TRPV6: variants seen among roughly 807,000 people sequenced by gnomAD.
TRPV6 encodes the protein transient receptor potential cation channel subfamily V member 6, also known as Alu-binding protein with zinc finger domain.
In TRPV6, 39 loss-of-function variants were observed where a neutral mutation model predicts 79.0. The ratio of observed to expected loss-of-function variants is 0.49; its 90% CI spans 0.38 to 0.64. The LOEUF (loss-of-function observed/expected upper bound fraction) is 0.64. Among genes scored for constraint, TRPV6 ranks in the 30% least tolerant of loss-of-function variants. The pLI is 0.00. For missense variants in TRPV6, 813 were observed against 1,011.1 expected, an observed-to-expected ratio of 0.80 and a Z score of 2.66; for synonymous variants, 373 against 391.9, an observed-to-expected ratio of 0.95 and a Z score of 0.57.
rs1295999952 is a variant in TRPV6, at chr7:142,877,070, C to G, written c.607+72G>C. ...CAGATACGGCTGAAGACAGGATCCT[C>G]CTCTGCCTGGCCCTGCCCTGCCTTG... On this transcript the variant is annotated intron_variant, in intron 4 of 14. Coordinates refer to ENST00000359396, the MANE Select transcript of TRPV6 (RefSeq NM_018646.6). 9.8e-6 allele frequency: 15 copies of G among 1,532,238 alleles called. No homozygotes were observed. In the Admixed American group the frequency reaches 2.6e-4, roughly 26 times the overall value. 94.9% of individuals were successfully genotyped at this position (1,532,238 alleles called of 1,614,324 possible).
At position 142,873,370 on chromosome 7, in the gene TRPV6, C is replaced by A. The variant is rs772954688; in HGVS notation, c.1908+78G>T. On this transcript the variant is annotated intron_variant, in intron 13 of 14. Transcript: ENST00000359396. This position sits in a 1 kb window ranked among gnomAD's most constrained non-coding sequence, Gnocchi z 4.8. ...CCAAACATAAGTGGGGTGGAGATAT[C>A]CTGTCTCTCAGCTTGGCAGGTTCCT... is the stretch of plus-strand genomic sequence containing the variant. 1.3e-6 allele frequency: 2 copies of A among 1,570,756 alleles called. No homozygotes were observed. The highest frequency in any genetic ancestry group is 1.7e-6 in the Non-Finnish European group (2 of 1,154,754).
chr7:142,871,632 T>G lies in TRPV6; in HGVS notation c.*75A>C. ...GGGCCTGGGAGATGAGACCTCTGGG[T>G]GTTTGGTTTTTGTTTTGTTTGATGC... On this transcript the variant is annotated 3_prime_UTR_variant, in exon 15 of 15. Coordinates refer to ENST00000359396, the MANE Select transcript of TRPV6 (RefSeq NM_018646.6). 6.0e-6 allele frequency: 9 copies of G among 1,498,304 alleles called. No individual in the cohort carries two copies. Among genetic ancestry groups the G allele is most frequent in the Non-Finnish European group, 7.2e-6 (8 of 1,111,486 alleles). The allele number at this position is 1,498,304 out of a possible 1,614,324, so 92.8% of individuals were successfully genotyped here.
At chr7:142,878,932 G>A (rs1028849489) in intron 1 of TRPV6, 2 of 152,228 alleles carry the variant, frequency 1.3e-5, no homozygotes, top group African/African-American at 4.8e-5. Context: ...CATTGCTTAA[G>A]TGGTCCTTGC....
At position 142,876,831 on chromosome 7, in the gene TRPV6, T is replaced by C. The variant is rs200186434; in HGVS notation, c.614A>G (p.His205Arg). 8.7e-5 allele frequency: 141 copies of C among 1,613,934 alleles called. No homozygotes were observed. The highest frequency in any genetic ancestry group is 6.6e-4 in the Middle Eastern group (4 of 6,062). The stretch of plus-strand genomic sequence containing the variant: ...CACACAGGCAGCAAAGGACAAAGGG[T>C]GCTCCCCTGTGGACACAGAGAGATC... The change falls in exon 5 of 15, where the codon CAC (histidine) becomes CGC (arginine). Residue 205 changes from histidine to arginine, a missense_variant. Physicochemically the swap from His to Arg is conservative, Grantham distance 29. Coordinates refer to ENST00000359396, the MANE Select transcript of TRPV6 (RefSeq NM_018646.6).
chr7:142,876,010 G>T (rs1586188937), intron 6 of TRPV6, 106 bp from the exon 7 acceptor site: 1 of 1,319,658 alleles, frequency 7.6e-7, no homozygotes, highest in Non-Finnish European at 1.0e-6. Context: ...GAAGGTGGCT[G>T]CCCTTTCATT....
At chr7:142,877,418 A>T in intron 3 of TRPV6, 139 bp from the exon 4 acceptor site, 1 of 1,483,810 alleles carries the variant, frequency 6.7e-7, no homozygotes, top group Non-Finnish European at 9.0e-7. Flanking sequence ...CAGGATTCCC[A>T]GGGGATCCAG....
In TRPV6 at chr7:142,873,750, C is replaced by A. The variant is rs368581273; in HGVS notation, c.1640-34G>T. On this transcript the variant is annotated intron_variant, in intron 12 of 14. Transcript: ENST00000359396. The surrounding 1 kb of genome is among the most constrained non-coding windows in gnomAD (Gnocchi z 4.8). ...CCCAAGGGGGTGAGGGTTACCATGG[C>A]AACCATGCAGACGACCAGCCCACCC... The A allele has an allele frequency of 3.7e-6, 6 of 1,608,752 alleles. No homozygotes were observed. The African/African-American group carries it at 8.0e-5, about 22-fold the overall frequency.
In TRPV6 at chr7:142,871,524, G is replaced by C; in HGVS notation, c.*183C>G. 1 of 754,728 alleles carries C rather than the reference G, an allele frequency of 1.3e-6. No individual in the cohort carries two copies. Among genetic ancestry groups the C allele is most frequent in the South Asian group, 2.0e-5 (1 of 49,616 alleles). The allele number at this position is 754,728 out of a possible 1,614,324, so 46.8% of individuals were successfully genotyped here. A position where few individuals can be genotyped will look rare whatever the true frequency, so the allele number is the denominator to read the frequency against. Reference sequence around the variant, plus strand: ...CTTGGGCTGGGCTTCCTCTGCCCCAGAGCTGAAGGAGTAATGCAGGCCTGG... The same window carrying C: ...CTTGGGCTGGGCTTCCTCTGCCCCACAGCTGAAGGAGTAATGCAGGCCTGG... On this transcript the variant is annotated 3_prime_UTR_variant, in exon 15 of 15. Transcript: ENST00000359396.
rs1178476099 is a variant in TRPV6, at chr7:142,877,808, T to C, written c.347-35A>G. The C allele has an allele frequency of 1.9e-6, 3 of 1,613,844 alleles. No homozygotes were observed. The South Asian group carries it at 3.3e-5, about 18-fold the overall frequency. Reference sequence around the variant, plus strand: ...ACAGAGAGGTGGGTTATATGGCTTCTGTGGGACAGCGGATTGGAGACGATA... The same window carrying C: ...ACAGAGAGGTGGGTTATATGGCTTCCGTGGGACAGCGGATTGGAGACGATA... On this transcript the variant is annotated intron_variant, in intron 2 of 14. Coordinates refer to ENST00000359396, the MANE Select transcript of TRPV6 (RefSeq NM_018646.6).
Position 142,877,974 on chromosome 7 carries a change from G to C in TRPV6, c.301C>G (p.Leu101Val). 6.2e-7 allele frequency: 1 copy of C among 1,614,188 alleles called. No homozygotes were observed. Among genetic ancestry groups the C allele is most frequent in the South Asian group, 1.1e-5 (1 of 91,084 alleles). The change falls in exon 2 of 15, where the codon CTG becomes GTG. Residue 101 changes from leucine to valine, a missense_variant. Physicochemically the swap from Leu to Val is conservative, Grantham distance 32. Around this residue, in one of 3 missense-constraint regions of TRPV6, gnomAD observed 555 missense variants for 631.0 expected, o/e 0.88. Transcript: ENST00000359396. ...TCCTCATACTTGAGCAACTTGTTCA[G>C]GGCCTGGACATCATTATCTTTGGCA... is the stretch of plus-strand genomic sequence containing the variant.
chr7:142,873,721 T>C lies in TRPV6; in HGVS notation c.1640-5A>G, dbSNP rs1205527812. The stretch of plus-strand genomic sequence containing the variant: ...TCTGGAAGATGATATAGAAGGCTGC[T>C]CCACCCAAGGGGGTGAGGGTTACCA... On this transcript the variant is annotated splice_region_variant and splice_polypyrimidine_tract_variant and intron_variant, in intron 12 of 14. Transcript: ENST00000359396. This position sits in a 1 kb window ranked among gnomAD's most constrained non-coding sequence, Gnocchi z 4.8. 1 of 1,613,488 alleles carries C rather than the reference T, an allele frequency of 6.2e-7. No homozygotes were observed. The highest frequency in any genetic ancestry group is 1.3e-5 in the African/African-American group (1 of 74,844).
At position 142,873,699 on chromosome 7, in the gene TRPV6, G is replaced by A. The variant is rs757538867; in HGVS notation, c.1657C>T (p.Gln553Ter). The A allele has an allele frequency of 1.9e-6, 3 of 1,614,124 alleles. No individual in the cohort carries two copies. The highest frequency in any genetic ancestry group is 3.3e-5 in the Admixed American group (2 of 60,028). The change falls in exon 13 of 15, where the codon CAG becomes TAG. Residue 553 changes from glutamine to a stop codon, truncating the protein, a stop_gained. Transcript: ENST00000359396. LOFTEE classifies it high-confidence loss of function. This position sits in a 1 kb window ranked among gnomAD's most constrained non-coding sequence, Gnocchi z 4.8. Reference sequence around the variant, plus strand: ...CCTAGCTCCTCGGGGTCCTCTGTCTGGAAGATGATATAGAAGGCTGCTCCA... The same window carrying A: ...CCTAGCTCCTCGGGGTCCTCTGTCTAGAAGATGATATAGAAGGCTGCTCCA...
At position 142,877,951 on chromosome 7, in the gene TRPV6, C is replaced by A. The variant is rs199805481; in HGVS notation, c.324G>T (p.Glu108Asp). ...TACCTCTCTGGTGCACCTTGCAATCCTCATACTTGAGCAACTTGTTCAGGG... is the reference window on the plus strand; with the variant it reads ...TACCTCTCTGGTGCACCTTGCAATCATCATACTTGAGCAACTTGTTCAGGG... Residue 108 changes from glutamate (E) to aspartate (D), a missense_variant, in exon 2 of 15, where the codon GAG (glutamate) becomes GAT (aspartate). Around this residue, in one of 3 missense-constraint regions of TRPV6, gnomAD observed 555 missense variants for 631.0 expected, o/e 0.88. Coordinates refer to ENST00000359396, the MANE Select transcript of TRPV6 (RefSeq NM_018646.6). The A allele has an allele frequency of 2.1e-5, 34 of 1,614,194 alleles. No homozygotes were observed. The East Asian group carries it at 6.2e-4, about 30-fold the overall frequency.
At position 142,875,921 on chromosome 7, in the gene TRPV6, A is replaced by G; in HGVS notation, c.883-17T>C. Reference sequence around the variant, plus strand: ...CTGAAACATCTAAGGGAAAGTGAAGATGACTCAGGAGCAGTAAGCAAAGGG... The same window carrying G: ...CTGAAACATCTAAGGGAAAGTGAAGGTGACTCAGGAGCAGTAAGCAAAGGG... On this transcript the variant is annotated splice_polypyrimidine_tract_variant and intron_variant, in intron 6 of 14. Transcript: ENST00000359396. 6.4e-7 allele frequency: 1 copy of G among 1,560,338 alleles called. No homozygotes were observed. Among genetic ancestry groups the G allele is most frequent in the Non-Finnish European group, 8.7e-7 (1 of 1,153,016 alleles).
chr7:142,874,692 C>T (rs1314297488), intron 10 of TRPV6, 36 bp from the exon 11 acceptor site: 4 of 1,600,246 alleles, frequency 2.5e-6, no homozygotes, highest in Non-Finnish European at 3.4e-6. Context: ...GAGGGGAGGG[C>T]TGGGATGATC....
Position 142,877,694 on chromosome 7 carries a change from G to C in TRPV6, c.426C>G (p.Ala142=). Residue 142 remains alanine, a synonymous_variant, in exon 3 of 15, where the codon GCC becomes GCG. Transcript: ENST00000359396. Reference sequence around the variant, plus strand: ...TCATGGGCTCAAAGACCAGCTCCGGGGCAGCCTCCATCAGCACCATGGCGG... The same window carrying C: ...TCATGGGCTCAAAGACCAGCTCCGGCGCAGCCTCCATCAGCACCATGGCGG... 1 of 1,614,178 alleles carries C rather than the reference G, an allele frequency of 6.2e-7. No individual in the cohort carries two copies. Among genetic ancestry groups the C allele is most frequent in the East Asian group, 2.2e-5 (1 of 44,886 alleles).
Position 142,873,609 on chromosome 7 carries a change from C to T in TRPV6, c.1747G>A (p.Gly583Ser), listed in dbSNP as rs781354765. 1.9e-6 allele frequency: 3 copies of T among 1,614,084 alleles called. No homozygotes were observed. In the South Asian group the frequency reaches 3.3e-5, roughly 18 times the overall value. The change falls in exon 13 of 15, where the codon GGC becomes AGC. Residue 583 changes from glycine to serine, a missense_variant. Gly to Ser is a moderately conservative substitution (Grantham distance 56, BLOSUM62 0). Transcript: ENST00000359396. This position sits in a 1 kb window ranked among gnomAD's most constrained non-coding sequence, Gnocchi z 4.8. ...AGGTCCACGTTGTAGTTGGCTGGGC[C>T]ATCGATGATGGTAAGGAACAGCTCG...
intron 1 of TRPV6, chr7:142,879,692 C>T (rs976020239): frequency 6.6e-6 from 1 of 152,330 alleles, no homozygotes; most frequent in African/African-American, 2.4e-5. Flanking sequence ...GGAAAGCTCT[C>T]TCTTCATTCA....
chr7:142,875,417 G>A (rs1432949766), intron 8 of TRPV6, 51 bp downstream of exon 8: 25 of 1,505,362 alleles, frequency 1.7e-5, no homozygotes, highest in Non-Finnish European at 2.2e-5. Flanking sequence ...CAGTCTCTGA[G>A]GACAGAGAGC....
Sources: allele counts gnomAD v4.1 joint callset, GRCh38; gene constraint gnomAD v4.1.1; regional missense constraint gnomAD v4.1.1; non-coding constraint Gnocchi (gnomAD v3.1); transcripts MANE v1.5; gene names NCBI Gene and HGNC (gene_info 2026-07-23, HGNC 2026-07-21).